The following IMMP2L variants were observed in gnomAD, a reference collection of about 807,000 sequenced individuals.
IMMP2L encodes the protein inner mitochondrial membrane peptidase subunit 2.
Under a neutral mutation model 19.3 loss-of-function variants are expected in IMMP2L, and 18 were observed. The observed-to-expected ratio is 0.93, with a 90% confidence interval of 0.64 to 1.38. The LOEUF (loss-of-function observed/expected upper bound fraction) is 1.38. Among genes scored for constraint, IMMP2L ranks in the 40% most tolerant of loss-of-function variants. The pLI, the probability that IMMP2L is intolerant of heterozygous loss-of-function variation, is 0.00. For missense variants in IMMP2L, 233 were observed against 218.2 expected, an observed-to-expected ratio of 1.07 and a Z score of -0.43; for synonymous variants, 76 against 73.0, an observed-to-expected ratio of 1.04 and a Z score of -0.21.
intron 3 of IMMP2L, among the ~76,000 whole-genome samples, chr7:111,215,371 A>G (rs1207292225): frequency 6.6e-6 from 1 of 152,224 alleles, no homozygotes; most frequent in East Asian, 1.9e-4. Context: ...CCAAAATCCA[A>G]TGTTTTTCCA....
chr7:111,325,514 A>G (rs2130574196), intron 3 of IMMP2L, among the ~76,000 whole-genome samples: 1 of 151,850 alleles, frequency 6.6e-6, no homozygotes, highest in Middle Eastern at 3.4e-3. Context: ...ATGTATATTA[A>G]GATCATCATG....
rs1254727552 is a variant in IMMP2L at position 110,728,738 on chromosome 7, T to C, written c.409-65017A>G. ...GTACTGAATGCCTATCTCCATGCACTGTACTATGGGTTCTGTGCATATTAC... is the reference window on the plus strand; with the variant it reads ...GTACTGAATGCCTATCTCCATGCACCGTACTATGGGTTCTGTGCATATTAC... On this transcript the variant is annotated intron_variant, in intron 5 of 5. Transcript: ENST00000405709. This position sits in a 1 kb window ranked among gnomAD's most constrained non-coding sequence, Gnocchi z 4.6. Among the ~76,000 whole-genome samples the C allele has an allele frequency of 6.6e-6, 1 of 152,172 alleles. No individual in the cohort carries two copies. The highest frequency in any genetic ancestry group is 2.4e-5 in the African/African-American group (1 of 41,430).
At chr7:110,805,101 G>C (rs1282678677) in intron 5 of IMMP2L, among the ~76,000 whole-genome samples, 1 of 152,032 alleles carries the variant, frequency 6.6e-6, no homozygotes, top group African/African-American at 2.4e-5. Flanking sequence ...CTTGAACAAA[G>C]TACGAAGAAG....
intron 3 of IMMP2L, among the ~76,000 whole-genome samples, chr7:111,259,950 G>C (rs986702511): frequency 1.3e-5 from 2 of 152,036 alleles, no homozygotes; most frequent in African/African-American, 4.8e-5. Context: ...TCCACATCTT[G>C]TCCCACTGGA....
intron 3 of IMMP2L, among the ~76,000 whole-genome samples, chr7:111,276,082 T>A (rs571688958): frequency 6.6e-6 from 1 of 152,094 alleles, no homozygotes; most frequent in Non-Finnish European, 1.5e-5. Context: ...AGCTGTGGGT[T>A]TGTCTTATAT....
At chr7:111,505,374 T>C (rs963185294) in intron 2 of IMMP2L, among the ~76,000 whole-genome samples, 13 of 151,652 alleles carry the variant, frequency 8.6e-5, no homozygotes, top group East Asian at 1.9e-4. Flanking sequence ...ACACTGTTGG[T>C]GGGACTGTAA....
At position 111,522,926 on chromosome 7, in the gene IMMP2L, C is replaced by CATATATATATATATAT. The variant is rs148789480; in HGVS notation, c.-2-1478_-2-1477insATATATATATATATAT. On this transcript the variant is annotated intron_variant, in intron 1 of 5. Coordinates refer to ENST00000405709, the MANE Select transcript of IMMP2L (RefSeq NM_032549.4). ...TGAATGAACTTTAAGATGTGAGATA[C>CATATATATATATATAT]ATATATATATATTATTTCACCATAA... 2.0e-3 allele frequency among the ~76,000 whole-genome samples: 268 copies of CATATATATATATATAT among 134,948 alleles called. 13 individuals carry two copies. The highest frequency in any genetic ancestry group is 7.9e-3 in the African/African-American group (251 of 31,754). 88.5% of individuals were successfully genotyped at this position (134,948 alleles called of 152,430 possible).
intron 5 of IMMP2L, among the ~76,000 whole-genome samples, chr7:110,765,828 A>G (rs1314849499): frequency 6.6e-6 from 1 of 152,176 alleles, no homozygotes; most frequent in Non-Finnish European, 1.5e-5. Context: ...TTAAATAGAA[A>G]TTTAACACGT....
chr7:110,675,384 T>G (rs1792227212), intron 5 of IMMP2L, among the ~76,000 whole-genome samples: 1 of 152,070 alleles, frequency 6.6e-6, no homozygotes, highest in Admixed American at 6.6e-5. Flanking sequence ...ACAGGCTCAG[T>G]TCTCCCATAG....
intron 5 of IMMP2L, among the ~76,000 whole-genome samples, chr7:110,815,542 T>C (rs1802425046): frequency 6.6e-6 from 1 of 152,148 alleles, no homozygotes; most frequent in Non-Finnish European, 1.5e-5. Context: ...GAAGGAATGG[T>C]ACCAGCTCCT....
At chr7:110,724,622 T>C (rs979175694) in intron 5 of IMMP2L, 17 of 151,980 alleles carry the variant, frequency 1.1e-4, no homozygotes, top group African/African-American at 3.9e-4. Flanking sequence ...CTTCAGCATT[T>C]TTTTTTTTTG....
At chr7:111,528,493 G>C (rs551905858) in intron 1 of IMMP2L, among the ~76,000 whole-genome samples, 4 of 152,138 alleles carry the variant, frequency 2.6e-5, no homozygotes, top group Admixed American at 6.5e-5. Flanking sequence ...TCAGAATCAA[G>C]TGAAACCATA....
At position 110,715,319 on chromosome 7, in the gene IMMP2L, G is replaced by A. The variant is rs145998051; in HGVS notation, c.409-51598C>T. On this transcript the variant is annotated intron_variant, in intron 5 of 5. Coordinates refer to ENST00000405709, the MANE Select transcript of IMMP2L (RefSeq NM_032549.4). ...TTTTCTTTTGCTAGCTTTGGGGTTC[G>A]TTTGTTCTTATTTTTCTAGTTCCTG... Among the ~76,000 whole-genome samples the A allele has an allele frequency of 7.2e-5, 11 of 151,976 alleles. No homozygotes were observed. In the East Asian group the frequency reaches 1.2e-3, roughly 16 times the overall value.
intron 3 of IMMP2L, among the ~76,000 whole-genome samples, chr7:111,301,239 A>G (rs928709554): frequency 1.3e-5 from 2 of 152,030 alleles, no homozygotes; most frequent in Non-Finnish European, 2.9e-5. Context: ...TCATCTGTAT[A>G]TCTTCTTTGG....
At chr7:111,387,730 C>A (rs1005357012) in intron 3 of IMMP2L, among the ~76,000 whole-genome samples, 3 of 151,848 alleles carry the variant, frequency 2.0e-5, no homozygotes, top group African/African-American at 7.3e-5. Flanking sequence ...ATAATTCCAA[C>A]ACTTTGGGAG....
chr7:111,494,013 A>C (rs1843366003), intron 2 of IMMP2L, among the ~76,000 whole-genome samples: 1 of 152,162 alleles, frequency 6.6e-6, no homozygotes, highest in Non-Finnish European at 1.5e-5. Context: ...AAAAAAATAT[A>C]GAGCAAGCAA....
chr7:111,348,384 G>A (rs191825301), intron 3 of IMMP2L, among the ~76,000 whole-genome samples: 40 of 151,998 alleles, frequency 2.6e-4, no homozygotes, highest in Non-Finnish European at 5.3e-4. Context: ...TCATAAATAC[G>A]TCTCTCCAAC....
At chr7:111,306,903 T>A (rs1822939183) in intron 3 of IMMP2L, among the ~76,000 whole-genome samples, 1 of 151,572 alleles carries the variant, frequency 6.6e-6, no homozygotes, top group African/African-American at 2.4e-5. Flanking sequence ...TTATATTTTT[T>A]AAATTTATCC....
intron 5 of IMMP2L, among the ~76,000 whole-genome samples, chr7:110,792,226 T>G (rs922744703): frequency 2.0e-5 from 3 of 151,842 alleles, no homozygotes; most frequent in Non-Finnish European, 4.4e-5. Flanking sequence ...ATCTAACTTC[T>G]CAGAATCTAA....
Sources: allele counts gnomAD v4.1 joint callset (sites outside exome capture counted in the v4.1 genomes callset), GRCh38; gene constraint gnomAD v4.1.1; non-coding constraint Gnocchi (gnomAD v3.1); transcripts MANE v1.5; gene names NCBI Gene and HGNC (gene_info 2026-07-23, HGNC 2026-07-21).